Variants in NOL4L observed in about 807,000 individuals in gnomAD.
NOL4L encodes nucleolar protein 4-like.
In NOL4L, 7 loss-of-function variants were observed where a neutral mutation model predicts 64.5. The ratio of observed to expected loss-of-function variants is 0.11; its 90% CI spans 0.06 to 0.20. The LOEUF is 0.20. Ranked by LOEUF, NOL4L falls within the 10% of genes least tolerant of loss-of-function variation. The pLI is 1.00. For synonymous variants in NOL4L, 413 were observed against 401.0 expected, an observed-to-expected ratio of 1.03 and a Z score of -0.36; for missense variants, 680 against 967.1, an observed-to-expected ratio of 0.70 and a Z score of 3.94.
chr20:32,476,311 G>T (rs144233120), intron 4 of NOL4L, among the ~76,000 whole-genome samples: 3,424 of 152,132 alleles, frequency 0.023, 56 homozygotes, highest in Non-Finnish European at 0.032. Flanking sequence ...GGAGGGAGAC[G>T]AAGGGGAGGG....
chr20:32,470,978 G>T (rs1180026015), intron 5 of NOL4L, among the ~76,000 whole-genome samples: 1 of 152,218 alleles, frequency 6.6e-6, no homozygotes, highest in Non-Finnish European at 1.5e-5. Context: ...GGTGCTCCCT[G>T]CCAAGCACCA....
intron 1 of NOL4L, among the ~76,000 whole-genome samples, chr20:32,562,851 C>A (rs1415569104): frequency 6.9e-6 from 1 of 144,922 alleles, no homozygotes; most frequent in East Asian, 2.2e-4. Flanking sequence ...TTCCACCACG[C>A]TGTTGCTCCA....
intron 1 of NOL4L, 131 bp from the exon 2 acceptor site, chr20:32,528,044 G>C: frequency 1.1e-5 from 3 of 275,992 alleles, no homozygotes; most frequent in Non-Finnish European, 2.1e-5. Context: ...GGAGGGGAGG[G>C]AGCCTACCGA....
At chr20:32,570,819 C>T (rs890010576) in intron 1 of NOL4L, among the ~76,000 whole-genome samples, 1 of 152,188 alleles carries the variant, frequency 6.6e-6, no homozygotes, top group African/African-American at 2.4e-5. Flanking sequence ...TAATTAATAA[C>T]AATAATGATA....
intron 10 of NOL4L, among the ~76,000 whole-genome samples, chr20:32,448,281 G>T (rs1600613028): frequency 6.6e-6 from 1 of 152,222 alleles, no homozygotes. Context: ...AGACTCTGCA[G>T]GTAGGCAGGG....
intron 4 of NOL4L, among the ~76,000 whole-genome samples, chr20:32,481,959 C>T (rs192899029): frequency 0.33 from 270 of 812 alleles, 3 homozygotes; most frequent in African/African-American, 0.47. Flanking sequence ...GTTGGTGGGG[C>T]GGGGCGGGGG....
intron 1 of NOL4L, chr20:32,573,588 G>T: frequency 5.6e-6 from 1 of 179,554 alleles, no homozygotes; most frequent in Non-Finnish European, 1.2e-5. Context: ...AGCATAGAAG[G>T]AGGATATAAC....
intron 5 of NOL4L, among the ~76,000 whole-genome samples, chr20:32,461,153 T>C (rs1371601996): frequency 2.0e-5 from 3 of 152,196 alleles, no homozygotes; most frequent in Non-Finnish European, 2.9e-5. Flanking sequence ...TGATGCCGGC[T>C]GCAGCCGCAA....
chr20:32,534,551 G>A (rs1403324167), intron 1 of NOL4L, among the ~76,000 whole-genome samples: 4 of 152,170 alleles, frequency 2.6e-5, no homozygotes, highest in African/African-American at 4.8e-5. Context: ...CCAAAACCCA[G>A]CCTTAATAAA....
intron 1 of NOL4L, among the ~76,000 whole-genome samples, chr20:32,570,080 A>G (rs1015326506): frequency 3.9e-5 from 6 of 152,096 alleles, no homozygotes; most frequent in African/African-American, 1.4e-4. Context: ...AGCAGGTTCT[A>G]TTGCTAGGCC....
At chr20:32,502,180 G>A (rs143529868) in intron 4 of NOL4L, among the ~76,000 whole-genome samples, 47 of 152,318 alleles carry the variant, frequency 3.1e-4, no homozygotes, top group African/African-American at 1.0e-3. Flanking sequence ...CAAAATAGGA[G>A]TTAAATACCA....
chr20:32,524,831 C>T (rs1319197827), intron 2 of NOL4L, among the ~76,000 whole-genome samples: 2 of 152,124 alleles, frequency 1.3e-5, no homozygotes, highest in African/African-American at 2.4e-5. Context: ...CCAGGCACCA[C>T]CCCCTGCCCC....
chr20:32,553,916 C>G (rs1297371523), intron 1 of NOL4L, among the ~76,000 whole-genome samples: 1 of 152,174 alleles, frequency 6.6e-6, no homozygotes. Context: ...ATGTTAACCA[C>G]AGGGGAAAGT....
chr20:32,544,175 G>A (rs2018700631), intron 1 of NOL4L, among the ~76,000 whole-genome samples: 1 of 152,122 alleles, frequency 6.6e-6, no homozygotes, highest in Non-Finnish European at 1.5e-5. Flanking sequence ...ATGGGCTATG[G>A]AGAAGAAGGG....
At chr20:32,494,502 C>T (rs761756808) in intron 4 of NOL4L, among the ~76,000 whole-genome samples, 2 of 152,118 alleles carry the variant, frequency 1.3e-5, no homozygotes, top group African/African-American at 4.8e-5. Context: ...TTTCTCTGCC[C>T]AAGCCTTCGG....
intron 5 of NOL4L, among the ~76,000 whole-genome samples, chr20:32,462,747 A>G (rs1044769493): frequency 2.6e-5 from 4 of 151,816 alleles, no homozygotes; most frequent in Admixed American, 6.6e-5. Flanking sequence ...ACTACTAAAC[A>G]TACAAAAATT....
In NOL4L at chr20:32,452,980, G is replaced by A. The variant is rs41310799; in HGVS notation, c.1524C>T (p.Thr508=). The A allele has an allele frequency of 0.018, 29,392 of 1,613,806 alleles. 337 individuals are homozygous for A. Among genetic ancestry groups the A allele is most frequent in the Non-Finnish European group, 0.021 (25,129 of 1,180,020 alleles). Residue 508 remains threonine, a synonymous_variant, in exon 9 of 11, where the codon ACC becomes ACT. Coordinates refer to ENST00000621426, the MANE Select transcript of NOL4L (RefSeq NM_001256798.2). ...CCAGGATGTTTTCTGCCATGGCCGAGGTCAGATGGGGTGGCGTGGGTCTGG... is the reference window on the plus strand; with the variant it reads ...CCAGGATGTTTTCTGCCATGGCCGAAGTCAGATGGGGTGGCGTGGGTCTGG... ...EMTRPTPPHL[T]SAMAENILAA...
At chr20:32,488,799 CTTTCTTTTTCTTTCTTTCTTTCTTTCTT>C (rs1382652069) in intron 4 of NOL4L, among the ~76,000 whole-genome samples, 1,401 of 36,286 alleles carry the variant, frequency 0.039, 77 homozygotes, top group African/African-American at 0.059. Context: ...TCCTTTCTTT[CTTTCTTTTTCTTTCTTTCTTTCTTTCTT>C]TTTCTTTCTT....
intron 4 of NOL4L, chr20:32,483,601 GA>G: frequency 2.6e-6 from 2 of 764,560 alleles, no homozygotes; most frequent in Non-Finnish European, 3.1e-6. Flanking sequence ...GAGGAAGGGG[GA>G]GGGGGCACCG....
Sources: allele counts gnomAD v4.1 joint callset (sites outside exome capture counted in the v4.1 genomes callset), GRCh38; gene constraint gnomAD v4.1.1; transcripts MANE v1.5; gene names NCBI Gene and HGNC (gene_info 2026-07-23, HGNC 2026-07-21).